Variants in TBCA observed in about 807,000 individuals in gnomAD.
TBCA encodes the protein tubulin folding cofactor A.
A neutral mutation model predicts 15.8 loss-of-function variants in TBCA; 6 were observed. The observed-to-expected ratio is 0.38, with a 90% CI of 0.21 to 0.75. The LOEUF (loss-of-function observed/expected upper bound fraction) is 0.75. Ranked by LOEUF, TBCA falls within the 30% of genes least tolerant of loss-of-function variation. TBCA has a pLI of 0.46. For missense variants in TBCA, 90 were observed against 131.2 expected, an observed-to-expected ratio of 0.69 and a Z score of 1.53; for synonymous variants, 32 against 42.3, an observed-to-expected ratio of 0.76 and a Z score of 0.94.
intron 1 of TBCA, among the ~76,000 whole-genome samples, chr5:77,731,852 G>A (rs1746779090): frequency 6.6e-6 from 1 of 152,180 alleles, no homozygotes; most frequent in African/African-American, 2.4e-5. Context: ...TAAAATGAAA[G>A]AGTTAATAGT....
Position 77,706,913 on chromosome 5 carries a change from G to C in TBCA, c.159+1329C>G, listed in dbSNP as rs372350182. Among the ~76,000 whole-genome samples the C allele has an allele frequency of 1.3e-4, 20 of 151,982 alleles. 1 individual carries two copies. The highest frequency in any genetic ancestry group is 9.6e-4 in the East Asian group (5 of 5,202). On this transcript the variant is annotated intron_variant, in intron 2 of 3. Transcript: ENST00000380377. ...GAAAGAGATAAAAATATCAAGAAGG[G>C]ACCAACTAAATTTTTGACCTGAGTA...
intron 1 of TBCA, among the ~76,000 whole-genome samples, chr5:77,730,734 T>C (rs1487204870): frequency 6.6e-6 from 1 of 152,052 alleles, no homozygotes; most frequent in East Asian, 1.9e-4. Context: ...TACCCATCCA[T>C]CCATCCAATA....
At chr5:77,709,697 A>G (rs1326591067) in intron 1 of TBCA, among the ~76,000 whole-genome samples, 1 of 152,204 alleles carries the variant, frequency 6.6e-6, no homozygotes, top group Non-Finnish European at 1.5e-5. Context: ...CCCTAGAAAA[A>G]TAAAAATATA....
At chr5:77,733,827 T>C (rs1286025133) in intron 1 of TBCA, among the ~76,000 whole-genome samples, 1 of 152,214 alleles carries the variant, frequency 6.6e-6, no homozygotes, top group African/African-American at 2.4e-5. Context: ...AAATGTCATC[T>C]AGGTCAACTT....
chr5:77,741,560 A>T (rs1286602702), intron 1 of TBCA, among the ~76,000 whole-genome samples: 1 of 152,156 alleles, frequency 6.6e-6, no homozygotes, highest in African/African-American at 2.4e-5. Flanking sequence ...GCAAAAGAAA[A>T]AAAATAGATT....
chr5:77,742,386 C>T (rs1448468154), intron 1 of TBCA, among the ~76,000 whole-genome samples: 10 of 152,180 alleles, frequency 6.6e-5, no homozygotes, highest in Admixed American at 5.9e-4. Context: ...CATCCCTCCC[C>T]TTCTTCTCCC....
intron 1 of TBCA, among the ~76,000 whole-genome samples, chr5:77,736,313 G>A (rs1238101465): frequency 6.4e-5 from 9 of 141,684 alleles, no homozygotes; most frequent in African/African-American, 1.9e-4. Context: ...TCCAGCCTGA[G>A]TGACAGAGCG....
intron 1 of TBCA, among the ~76,000 whole-genome samples, chr5:77,733,211 G>A (rs352576): frequency 0.38 from 57,896 of 152,048 alleles, 11,062 homozygotes; most frequent in South Asian, 0.41. Context: ...AACCCTGGAG[G>A]CAGAGGTTGC....
intron 1 of TBCA, among the ~76,000 whole-genome samples, chr5:77,709,665 C>T (rs1746232199): frequency 6.6e-6 from 1 of 152,084 alleles, no homozygotes; most frequent in South Asian, 2.1e-4. Flanking sequence ...TATGTCCTGA[C>T]AATTCCATTT....
intron 1 of TBCA, among the ~76,000 whole-genome samples, chr5:77,729,908 T>C (rs748478541): frequency 6.6e-6 from 1 of 152,228 alleles, no homozygotes; most frequent in Non-Finnish European, 1.5e-5. Flanking sequence ...TTGTGTTTAT[T>C]ATGAGTTATC....
intron 1 of TBCA, among the ~76,000 whole-genome samples, chr5:77,746,509 T>A (rs1271840601): frequency 6.6e-6 from 1 of 152,208 alleles, no homozygotes; most frequent in African/African-American, 2.4e-5. Flanking sequence ...AATGCCCCAA[T>A]ACTACCTTGA....
chr5:77,697,949 C>G (rs1047730514), intron 2 of TBCA, among the ~76,000 whole-genome samples: 1 of 145,044 alleles, frequency 6.9e-6, no homozygotes, highest in Non-Finnish European at 1.6e-5. Context: ...GGGCAACAGG[C>G]AAGACCCCAT....
intron 1 of TBCA, among the ~76,000 whole-genome samples, chr5:77,775,405 C>T (rs1056845444): frequency 3.3e-5 from 5 of 152,138 alleles, no homozygotes; most frequent in African/African-American, 1.2e-4. Flanking sequence ...CAAGGTACAC[C>T]TTACCCATTG....
intron 1 of TBCA, among the ~76,000 whole-genome samples, chr5:77,739,334 A>G (rs1379368815): frequency 6.6e-6 from 1 of 151,956 alleles, no homozygotes; most frequent in African/African-American, 2.4e-5. Context: ...GGTGGTGCAC[A>G]CCTGTAATCC....
At chr5:77,691,934 T>A in intron 3 of TBCA, 1 of 988,356 alleles carries the variant, frequency 1.0e-6, no homozygotes. Flanking sequence ...GCTTCTGATG[T>A]CACAACAGAG....
chr5:77,726,417 A>C (rs1746632372), intron 1 of TBCA, among the ~76,000 whole-genome samples: 1 of 152,244 alleles, frequency 6.6e-6, no homozygotes, highest in African/African-American at 2.4e-5. Context: ...CATTACATGC[A>C]GGAAAATCAT....
chr5:77,692,870 A>C, intron 3 of TBCA: 1 of 1,139,112 alleles, frequency 8.8e-7, no homozygotes, highest in Non-Finnish European at 1.1e-6. Context: ...AGAATTCAAG[A>C]TCCTTTTAAT....
intron 1 of TBCA, among the ~76,000 whole-genome samples, chr5:77,762,856 C>T (rs188188377): frequency 6.6e-5 from 10 of 152,316 alleles, no homozygotes; most frequent in African/African-American, 2.2e-4. Flanking sequence ...TCATTCTATA[C>T]AAGGCAGAAG....
chr5:77,750,537 T>A (rs1283354167), intron 1 of TBCA, among the ~76,000 whole-genome samples: 1 of 152,088 alleles, frequency 6.6e-6, no homozygotes, highest in African/African-American at 2.4e-5. Context: ...CACATCACTA[T>A]CCAGAAGTAA....
Sources: allele counts gnomAD v4.1 joint callset (sites outside exome capture counted in the v4.1 genomes callset), GRCh38; gene constraint gnomAD v4.1.1; transcripts MANE v1.5; gene names NCBI Gene and HGNC (gene_info 2026-07-23, HGNC 2026-07-21).